The following JHY variants were observed in gnomAD, a reference collection of about 807,000 sequenced individuals.
JHY encodes jhy protein homolog.
A neutral mutation model predicts 78.0 loss-of-function variants in JHY; 69 were observed. The ratio of observed to expected loss-of-function variants is 0.88; its 90% confidence interval spans 0.73 to 1.08. The LOEUF (loss-of-function observed/expected upper bound fraction) is 1.08. JHY is among the 50% of genes least tolerant of loss of function. The pLI, the probability that JHY is intolerant of heterozygous loss-of-function variation, is 0.00. For synonymous variants in JHY, 368 were observed against 342.6 expected, an observed-to-expected ratio of 1.07 and a Z score of -0.82; for missense variants, 944 against 927.8, an observed-to-expected ratio of 1.02 and a Z score of -0.23.
At chr11:122,916,073 TA>T (rs1201528808) in intron 3 of JHY, among the ~76,000 whole-genome samples, 5 of 152,014 alleles carry the variant, frequency 3.3e-5, no homozygotes, top group Non-Finnish European at 7.4e-5. Context: ...GGTCAGTTGG[TA>T]AAAACATACA....
chr11:122,937,488 C>CTTTGCCT (rs1447832297), intron 5 of JHY, among the ~76,000 whole-genome samples: 229 of 152,204 alleles, frequency 1.5e-3, no homozygotes, highest in African/African-American at 5.3e-3. Context: ...TGAGGATTCC[C>CTTTGCCT]TTTGCCTTTC....
In JHY at chr11:122,956,477, T is replaced by C; in HGVS notation, c.1930-19T>C. 6.2e-7 allele frequency: 1 copy of C among 1,612,078 alleles called. No individual in the cohort carries two copies. The highest frequency in any genetic ancestry group is 8.5e-7 in the Non-Finnish European group (1 of 1,178,650). ...ACACAAGTCCTTAAAAGAAACTGTTTCTGTGGTTGTATTTTTAGAACACCA... is the reference window on the plus strand; with the variant it reads ...ACACAAGTCCTTAAAAGAAACTGTTCCTGTGGTTGTATTTTTAGAACACCA... On this transcript the variant is annotated intron_variant, in intron 6 of 8. Transcript: ENST00000227349.
chr11:122,922,041 A>C (rs1863378091), intron 3 of JHY, among the ~76,000 whole-genome samples: 1 of 152,176 alleles, frequency 6.6e-6, no homozygotes, highest in Non-Finnish European at 1.5e-5. Flanking sequence ...TCATTTTAGC[A>C]CAAGTTGAAT....
rs1864318809 is a variant in JHY, at chr11:122,961,618, G to A, written c.*2173G>A. On this transcript the variant is annotated 3_prime_UTR_variant, in exon 9 of 9. Transcript: ENST00000227349. Reference sequence around the variant, plus strand: ...GATCCGCCCACCTTGGCCTTCCAAAGTGCTGGGATTACAGGCGTTAGCTAC... The same window carrying A: ...GATCCGCCCACCTTGGCCTTCCAAAATGCTGGGATTACAGGCGTTAGCTAC... Among the ~76,000 whole-genome samples, 1 of 152,180 alleles carries A rather than the reference G, an allele frequency of 6.6e-6. No individual in the cohort carries two copies. Among genetic ancestry groups the A allele is most frequent in the Non-Finnish European group, 1.5e-5 (1 of 68,038 alleles).
chr11:122,945,878 G>T (rs1212474947), intron 5 of JHY, among the ~76,000 whole-genome samples: 1 of 152,178 alleles, frequency 6.6e-6, no homozygotes, highest in Non-Finnish European at 1.5e-5. Context: ...AGACTTGCTT[G>T]TTGTTTCTCA....
At chr11:122,903,187 A>T (rs1339418197) in intron 2 of JHY, among the ~76,000 whole-genome samples, 1 of 152,222 alleles carries the variant, frequency 6.6e-6, no homozygotes, top group Admixed American at 6.5e-5. Flanking sequence ...ATTGTTAGTC[A>T]GTGTATGAAA....
chr11:122,888,876 A>G (rs6650181), intron 2 of JHY, among the ~76,000 whole-genome samples: 22,481 of 152,162 alleles, frequency 0.15, 2,064 homozygotes, highest in African/African-American at 0.25. Flanking sequence ...TTTTACAATT[A>G]TGCTTTTGAA....
intron 5 of JHY, among the ~76,000 whole-genome samples, chr11:122,944,282 T>A (rs549000843): frequency 4.6e-5 from 7 of 152,336 alleles, no homozygotes; most frequent in African/African-American, 1.7e-4. Context: ...AATTTGTCCT[T>A]CCGAATCACC....
intron 3 of JHY, among the ~76,000 whole-genome samples, chr11:122,909,906 A>C (rs778687427): frequency 1.3e-5 from 2 of 152,216 alleles, no homozygotes; most frequent in African/African-American, 2.4e-5. Context: ...TATTTGACCC[A>C]ACACATTTTG....
intron 2 of JHY, among the ~76,000 whole-genome samples, chr11:122,896,813 T>C (rs1862749119): frequency 6.6e-6 from 1 of 152,230 alleles, no homozygotes; most frequent in African/African-American, 2.4e-5. Context: ...GAACCCTTAC[T>C]GTGTGCCAGG....
chr11:122,905,154 C>T, intron 3 of JHY: 1 of 1,582,020 alleles, frequency 6.3e-7, no homozygotes, highest in Non-Finnish European at 8.7e-7. Flanking sequence ...GTAATAAATG[C>T]CTTCTCTTCC....
chr11:122,938,684 ATCT>A (rs909769387), intron 5 of JHY, among the ~76,000 whole-genome samples: 27 of 152,182 alleles, frequency 1.8e-4, no homozygotes, highest in African/African-American at 6.5e-4. Context: ...ATTCTTGATC[ATCT>A]TCTCATGATC....
At chr11:122,928,261 A>T (rs1196659710) in intron 4 of JHY, among the ~76,000 whole-genome samples, 1 of 152,136 alleles carries the variant, frequency 6.6e-6, no homozygotes, top group Non-Finnish European at 1.5e-5. Context: ...TCGATGTTAC[A>T]GGTGCCACTG....
chr11:122,945,656 T>C (rs934209765), intron 5 of JHY, among the ~76,000 whole-genome samples: 1 of 152,212 alleles, frequency 6.6e-6, no homozygotes, highest in Non-Finnish European at 1.5e-5. Context: ...AGTTTTGTAT[T>C]TGCTTCTGCC....
At chr11:122,885,068 C>T (rs1862466641) in intron 1 of JHY, among the ~76,000 whole-genome samples, 1 of 151,840 alleles carries the variant, frequency 6.6e-6, no homozygotes, top group African/African-American at 2.4e-5. Flanking sequence ...CCTTGGCCTC[C>T]CAAAGTGCTG....
chr11:122,896,069 T>G (rs886846575), intron 2 of JHY, among the ~76,000 whole-genome samples: 1 of 152,192 alleles, frequency 6.6e-6, no homozygotes, highest in African/African-American at 2.4e-5. Context: ...AGCCACATCT[T>G]CAGGCTCTAC....
chr11:122,889,413 GCA>G (rs4016784), intron 2 of JHY, among the ~76,000 whole-genome samples: 1 of 152,086 alleles, frequency 6.6e-6, no homozygotes, highest in South Asian at 2.1e-4. Flanking sequence ...TACTAAACAT[GCA>G]CAGAGACTTT....
rs17246907 is a variant in JHY, at chr11:122,918,634, C to T, written c.865-6263C>T. On this transcript the variant is annotated intron_variant, in intron 3 of 8. Transcript: ENST00000227349. Reference sequence around the variant, plus strand: ...GTTTCCACCTTATTTTGTCAACAGCCGGCTACCTGGCTTTAAAATAAACCA... The same window carrying T: ...GTTTCCACCTTATTTTGTCAACAGCTGGCTACCTGGCTTTAAAATAAACCA... 6.8e-3 allele frequency among the ~76,000 whole-genome samples: 1,027 copies of T among 151,474 alleles called. 7 individuals are homozygous for T. The highest frequency in any genetic ancestry group is 0.029 in the South Asian group (138 of 4,820).
intron 4 of JHY, among the ~76,000 whole-genome samples, chr11:122,928,403 G>C (rs1406125945): frequency 2.4e-4 from 37 of 152,190 alleles, no homozygotes. Flanking sequence ...ATGACTTTCA[G>C]AGTTTCATAA....
Sources: gnomAD v4.1 joint callset for allele counts (sites outside exome capture counted in the v4.1 genomes callset) on GRCh38, gnomAD v4.1.1 for gene constraint, MANE v1.5 for transcripts, NCBI Gene and HGNC (gene_info 2026-07-23, HGNC 2026-07-21) for gene names.